GARIN1A: variants seen among roughly 807,000 people sequenced by gnomAD.
GARIN1A encodes Golgi-associated RAB2 interactor protein 1A.
the GARIN1A span, among the ~76,000 whole-genome samples, chr7:128,689,633 C>G: frequency 6.3e-5 from 9 of 142,092 alleles, no homozygotes; most frequent in Non-Finnish European, 1.1e-4. Flanking sequence ...GCCCCTCCGC[C>G]CGGCAGCCAC....
chr7:128,692,193 G>A, the GARIN1A span, among the ~76,000 whole-genome samples: 20,923 of 152,168 alleles, frequency 0.14, 1,626 homozygotes, highest in African/African-American at 0.2. Flanking sequence ...GTGGTTCTGT[G>A]CCCAGAAACA....
At chr7:128,682,861 G>C in the GARIN1A span, 1 of 862,666 alleles carries the variant, frequency 1.2e-6, no homozygotes, top group African/African-American at 1.7e-5. Flanking sequence ...ACAGGTGTGA[G>C]CCACTGCACC....
chr7:128,675,227 G>C, the GARIN1A span, among the ~76,000 whole-genome samples: 140 of 152,264 alleles, frequency 9.2e-4, no homozygotes, highest in Non-Finnish European at 1.5e-3. Context: ...TGGGAGAAGT[G>C]CTCCAAACCT....
At chr7:128,688,915 C>T in the GARIN1A span, among the ~76,000 whole-genome samples, 2 of 147,572 alleles carry the variant, frequency 1.4e-5, no homozygotes, top group African/African-American at 5.0e-5. Context: ...ATTCTCCTGC[C>T]TCAGCCTGCC....
chr7:128,683,210 C>T, the GARIN1A span: 7 of 1,372,484 alleles, frequency 5.1e-6, no homozygotes, highest in South Asian at 1.4e-5. Flanking sequence ...GCTACCACCT[C>T]TTATAATGCT....
chr7:128,675,622 C>CT, the GARIN1A span: 1 of 1,468,976 alleles, frequency 6.8e-7, no homozygotes, highest in Admixed American at 1.8e-5. Flanking sequence ...ATCTGTATTC[C>CT]ACCCCTTGTT....
At chr7:128,682,631 G>C in the GARIN1A span, among the ~76,000 whole-genome samples, 4 of 152,258 alleles carry the variant, frequency 2.6e-5, no homozygotes, top group South Asian at 2.1e-4. Context: ...ACGTAGGCTG[G>C]AAGTGGTGCC....
the GARIN1A span, chr7:128,672,284 A>G: frequency 1.1e-6 from 1 of 869,754 alleles, no homozygotes; most frequent in Non-Finnish European, 1.7e-6. Context: ...GCCCGTAAGT[A>G]AATGGGGAGG....
the GARIN1A span, chr7:128,687,891 TG>T: frequency 1.3e-5 from 2 of 152,362 alleles, no homozygotes; most frequent in South Asian, 4.1e-4. Flanking sequence ...CTGTCTACTT[TG>T]GGCACCTATG....
At chr7:128,695,844 A>G in the GARIN1A span, among the ~76,000 whole-genome samples, 11 of 152,152 alleles carry the variant, frequency 7.2e-5, no homozygotes, top group African/African-American at 2.4e-4. This position sits in a 1 kb window ranked among gnomAD's most constrained non-coding sequence, Gnocchi z 4.5. Flanking sequence ...ATGCCCAGCC[A>G]TATATTATTT....
chr7:128,694,767 C>T, the GARIN1A span, among the ~76,000 whole-genome samples: 1 of 152,102 alleles, frequency 6.6e-6, no homozygotes, highest in African/African-American at 2.4e-5. Context: ...TGGAGAATGA[C>T]TAAACTCACA....
At chr7:128,692,725 G>A in the GARIN1A span, among the ~76,000 whole-genome samples, 1 of 152,166 alleles carries the variant, frequency 6.6e-6, no homozygotes, top group Non-Finnish European at 1.5e-5. Context: ...AGAAAAATAA[G>A]CAGCGGGTTA....
the GARIN1A span, chr7:128,677,743 C>T: frequency 8.5e-3 from 13,690 of 1,613,848 alleles, 132 homozygotes; most frequent in South Asian, 0.031. Flanking sequence ...TCCATCACCA[C>T]CAAAGACCCG....
chr7:128,699,260 G>GAC, the GARIN1A span, among the ~76,000 whole-genome samples: 2 of 105,016 alleles, frequency 1.9e-5, no homozygotes, highest in Non-Finnish European at 2.0e-5. Flanking sequence ...CATACCTGCT[G>GAC]CCCCCCCCCC....
chr7:128,680,528 T>G, the GARIN1A span, among the ~76,000 whole-genome samples: 3 of 151,852 alleles, frequency 2.0e-5, no homozygotes, highest in East Asian at 3.9e-4. Context: ...CTCATCTGCC[T>G]CTTCTTTTTT....
At chr7:128,686,888 A>C in the GARIN1A span, 1 of 146,830 alleles carries the variant, frequency 6.8e-6, no homozygotes, top group Non-Finnish European at 1.5e-5. Flanking sequence ...AAAAAAAAAA[A>C]ATATATCTGA....
chr7:128,676,449 GTATATATGTGTGTGTGTGTA>G, the GARIN1A span, among the ~76,000 whole-genome samples: 9 of 124,868 alleles, frequency 7.2e-5, no homozygotes, highest in African/African-American at 2.4e-4. Flanking sequence ...AAGTGTGTGT[GTATATATGTGTGTGTGTGTA>G]TATATAGACA....
the GARIN1A span, among the ~76,000 whole-genome samples, chr7:128,694,361 G>A: frequency 1.7e-4 from 26 of 152,046 alleles, no homozygotes; most frequent in African/African-American, 4.8e-4. Flanking sequence ...GTGAAACCCC[G>A]TCTCTACTAA....
the GARIN1A span, among the ~76,000 whole-genome samples, chr7:128,702,067 C>G: frequency 6.6e-6 from 1 of 152,076 alleles, no homozygotes; most frequent in Admixed American, 6.6e-5. Context: ...GTGAAAATAT[C>G]CTTCACAATA....
Sources: gnomAD v4.1 joint callset for allele counts (sites outside exome capture counted in the v4.1 genomes callset) on GRCh38, gnomAD v4.1.1 for gene constraint, Gnocchi (gnomAD v3.1) non-coding constraint, MANE v1.5 for transcripts, NCBI Gene and HGNC (gene_info 2026-07-23, HGNC 2026-07-21) for gene names.